The following COL23A1 variants were observed in gnomAD, a reference collection of about 807,000 sequenced individuals.
COL23A1 encodes collagen type XXIII alpha 1 chain.
A neutral mutation model predicts 99.3 loss-of-function variants in COL23A1; 97 were observed. The observed-to-expected ratio is 0.98, with a 90% CI of 0.83 to 1.16. The LOEUF (loss-of-function observed/expected upper bound fraction) is 1.16. Among genes scored for constraint, COL23A1 ranks in the 50% most tolerant of loss-of-function variants. COL23A1 has a pLI of 0.00. For missense variants in COL23A1, 762 were observed against 757.4 expected (o/e 1.01, Z -0.07); for synonymous variants, 320 against 308.2 (o/e 1.04, Z -0.40).
chr5:178,382,239 T>A (rs1023190176), intron 2 of COL23A1, among the ~76,000 whole-genome samples: 94 of 152,226 alleles, frequency 6.2e-4, no homozygotes, highest in African/African-American at 2.2e-3. Context: ...CTGCAGCTGC[T>A]GCGGCTGATC....
intron 1 of COL23A1, chr5:178,562,028 C>T (rs1458357350): frequency 1.9e-6 from 1 of 516,664 alleles, no homozygotes; most frequent in South Asian, 1.6e-5. Flanking sequence ...GAAGTTACCA[C>T]GGTCAAAGTG....
intron 3 of COL23A1, among the ~76,000 whole-genome samples, chr5:178,294,165 T>A (rs539047519): frequency 5.9e-5 from 9 of 152,132 alleles, no homozygotes; most frequent in Non-Finnish European, 1.3e-4. Flanking sequence ...CTCCTCACTG[T>A]CTTGTTCCTA....
intron 17 of COL23A1, among the ~76,000 whole-genome samples, chr5:178,251,137 CT>C (rs1765013211): frequency 2.0e-5 from 3 of 151,802 alleles, no homozygotes; most frequent in Non-Finnish European, 1.5e-5. Context: ...ATTCTTCTGC[CT>C]CAGCCTCCCA....
At chr5:178,437,072 C>T (rs1421085536) in intron 2 of COL23A1, among the ~76,000 whole-genome samples, 3 of 152,144 alleles carry the variant, frequency 2.0e-5, no homozygotes, top group Non-Finnish European at 4.4e-5. Flanking sequence ...TCTTAATACC[C>T]TGCCCTCCAC....
chr5:178,334,755 G>C (rs1009370627), intron 2 of COL23A1, among the ~76,000 whole-genome samples: 2 of 152,128 alleles, frequency 1.3e-5, no homozygotes, highest in African/African-American at 4.8e-5. Context: ...GGTGTAGTCT[G>C]GGTATTTTCA....
At chr5:178,527,552 C>A (rs1760379312) in intron 2 of COL23A1, among the ~76,000 whole-genome samples, 1 of 152,194 alleles carries the variant, frequency 6.6e-6, no homozygotes, top group Non-Finnish European at 1.5e-5. Flanking sequence ...CCCAAGCTTG[C>A]CTGGGCACAG....
At chr5:178,411,780 A>T (rs1191119025) in intron 2 of COL23A1, among the ~76,000 whole-genome samples, 1 of 152,202 alleles carries the variant, frequency 6.6e-6, no homozygotes, top group Non-Finnish European at 1.5e-5. Flanking sequence ...TGCTATATGA[A>T]TTTCACCTCA....
At chr5:178,287,068 T>C (rs1757198099) in intron 5 of COL23A1, among the ~76,000 whole-genome samples, 2 of 152,348 alleles carry the variant, frequency 1.3e-5, no homozygotes, top group South Asian at 4.1e-4. Context: ...CGAAAGCCTG[T>C]GCTTCCCCAA....
At position 178,468,422 on chromosome 5, in the gene COL23A1, G is replaced by C. The variant is rs1756544553; in HGVS notation, c.361+92260C>G. 6.6e-6 allele frequency among the ~76,000 whole-genome samples: 1 copy of C among 152,186 alleles called. No homozygotes were observed. Among genetic ancestry groups the C allele is most frequent in the Non-Finnish European group, 1.5e-5 (1 of 68,036 alleles). On this transcript the variant is annotated intron_variant, in intron 2 of 28. Transcript: ENST00000390654. The surrounding 1 kb of genome is among the most constrained non-coding windows in gnomAD (Gnocchi z 4.2). ...AGGGGTCAGTGTGATGATGGTGAAT[G>C]CAAGAATATCAACAACCACGGCTCC...
At chr5:178,498,255 T>TATATAAAA (rs1340447435) in intron 2 of COL23A1, among the ~76,000 whole-genome samples, 2 of 70,934 alleles carry the variant, frequency 2.8e-5, no homozygotes, top group African/African-American at 1.2e-4. Flanking sequence ...TATATATATA[T>TATATAAAA]ATAAAAGAAC....
intron 3 of COL23A1, among the ~76,000 whole-genome samples, chr5:178,293,008 AG>A: frequency 6.6e-6 from 1 of 152,144 alleles, no homozygotes; most frequent in Non-Finnish European, 1.5e-5. Flanking sequence ...AGGCATGTCC[AG>A]GGAGTGACAG....
In COL23A1 at chr5:178,468,863, C is replaced by G. The variant is rs1260623515; in HGVS notation, c.361+91819G>C. On this transcript the variant is annotated intron_variant, in intron 2 of 28. Coordinates refer to ENST00000390654, the MANE Select transcript of COL23A1 (RefSeq NM_173465.4). The surrounding 1 kb of genome is among the most constrained non-coding windows in gnomAD (Gnocchi z 4.2). ...CCATCAGCACCCTCCACCTCCAGGA[C>G]GTTTTCATCTTCCCCTGCTGAAACT... 6.6e-6 allele frequency among the ~76,000 whole-genome samples: 1 copy of G among 152,168 alleles called. No homozygotes were observed. Among genetic ancestry groups the G allele is most frequent in the Non-Finnish European group, 1.5e-5 (1 of 68,032 alleles).
chr5:178,493,294 A>G (rs531984896), intron 2 of COL23A1, among the ~76,000 whole-genome samples: 2 of 152,312 alleles, frequency 1.3e-5, no homozygotes, highest in African/African-American at 4.8e-5. Flanking sequence ...CTCAGTCCAC[A>G]CTGAACCCTG....
chr5:178,563,424 G>C (rs1285692502), intron 1 of COL23A1, among the ~76,000 whole-genome samples: 8 of 152,132 alleles, frequency 5.3e-5, no homozygotes, highest in Non-Finnish European at 1.0e-4. Context: ...TCCATGAGGG[G>C]CTGAGGCTTC....
At chr5:178,391,286 C>T (rs1407978640) in intron 2 of COL23A1, among the ~76,000 whole-genome samples, 3 of 152,054 alleles carry the variant, frequency 2.0e-5, no homozygotes, top group African/African-American at 4.8e-5. Context: ...TAAAAGATAC[C>T]GTGAAGAAAA....
intron 5 of COL23A1, among the ~76,000 whole-genome samples, chr5:178,273,803 G>A (rs1338556641): frequency 6.6e-6 from 1 of 152,236 alleles, no homozygotes; most frequent in Non-Finnish European, 1.5e-5. Flanking sequence ...TGGTCACTGA[G>A]GAGGGGACTC....
chr5:178,452,681 A>T (rs993548084), intron 2 of COL23A1, among the ~76,000 whole-genome samples: 3 of 152,226 alleles, frequency 2.0e-5, no homozygotes, highest in Non-Finnish European at 4.4e-5. Context: ...AACAATTTAC[A>T]GAAAAGGGAA....
At chr5:178,513,804 G>A (rs1246161934) in intron 2 of COL23A1, among the ~76,000 whole-genome samples, 1 of 152,174 alleles carries the variant, frequency 6.6e-6, no homozygotes, top group Non-Finnish European at 1.5e-5. Flanking sequence ...GCACAGGCAG[G>A]TGGAGTCCTT....
intron 2 of COL23A1, among the ~76,000 whole-genome samples, chr5:178,460,123 T>TA (rs1756035847): frequency 6.6e-6 from 1 of 152,098 alleles, no homozygotes; most frequent in African/African-American, 2.4e-5. Flanking sequence ...GTGATGTTCA[T>TA]AGTGTGTTTA....
Sources: gnomAD v4.1 joint callset for allele counts (sites outside exome capture counted in the v4.1 genomes callset) on GRCh38, gnomAD v4.1.1 for gene constraint, Gnocchi (gnomAD v3.1) non-coding constraint, MANE v1.5 for transcripts, NCBI Gene and HGNC (gene_info 2026-07-23, HGNC 2026-07-21) for gene names.